The following THSD4 variants were observed in gnomAD, a reference collection of about 807,000 sequenced individuals.
THSD4 encodes thrombospondin type-1 domain-containing protein 4.
THSD4 carries 69 observed loss-of-function variants against 119.0 expected under a neutral mutation model. The observed-to-expected ratio is 0.58, with a 90% CI of 0.48 to 0.71. THSD4 has a LOEUF of 0.71. Ranked by LOEUF, THSD4 falls within the 30% of genes least tolerant of loss-of-function variation. THSD4 has a pLI of 0.00. For missense variants in THSD4, 1,393 were observed against 1,391.1 expected (o/e 1.00, Z -0.02); for synonymous variants, 524 against 540.4 (o/e 0.97, Z 0.42).
chr15:71,339,528 A>G (rs151196925), intron 6 of THSD4, among the ~76,000 whole-genome samples: 1 of 152,104 alleles, frequency 6.6e-6, no homozygotes, highest in African/African-American at 2.4e-5. Context: ...GCCGTACATT[A>G]TCTATTATCG....
At chr15:71,397,398 C>T (rs954210273) in intron 6 of THSD4, among the ~76,000 whole-genome samples, 2 of 152,192 alleles carry the variant, frequency 1.3e-5, no homozygotes, top group African/African-American at 4.8e-5. Flanking sequence ...ACTTACTATA[C>T]TGTCTGGAAT....
chr15:71,182,426 G>A (rs144905274), intron 3 of THSD4, among the ~76,000 whole-genome samples: 5 of 151,808 alleles, frequency 3.3e-5, no homozygotes, highest in African/African-American at 9.6e-5. Flanking sequence ...ATTTTTGTGC[G>A]CTTCAACCAT....
chr15:71,197,107 G>A (rs919243334), intron 3 of THSD4, among the ~76,000 whole-genome samples: 2 of 152,176 alleles, frequency 1.3e-5, no homozygotes, highest in Non-Finnish European at 1.5e-5. Context: ...GGGTCGCAAC[G>A]TGCCCTTCAG....
intron 7 of THSD4, among the ~76,000 whole-genome samples, chr15:71,594,733 A>G (rs2049875304): frequency 6.6e-6 from 1 of 152,186 alleles, no homozygotes; most frequent in South Asian, 2.1e-4. Context: ...TTCCTACCCC[A>G]TATCAGTATT....
chr15:71,364,767 G>T (rs983875520), intron 6 of THSD4, among the ~76,000 whole-genome samples: 1 of 152,114 alleles, frequency 6.6e-6, no homozygotes, highest in African/African-American at 2.4e-5. Context: ...TTTGCATAGC[G>T]CTGAGCTTTA....
chr15:71,540,999 C>A (rs1461759196), intron 7 of THSD4, among the ~76,000 whole-genome samples: 3 of 152,148 alleles, frequency 2.0e-5, no homozygotes, highest in African/African-American at 7.2e-5. Context: ...CTGCGATTAC[C>A]AGCGTGAGCC....
At chr15:71,241,677 T>G (rs2044154351) in intron 4 of THSD4, among the ~76,000 whole-genome samples, 1 of 152,152 alleles carries the variant, frequency 6.6e-6, no homozygotes, top group East Asian at 1.9e-4. Context: ...ATGGAAGTAT[T>G]TACACCATAG....
At chr15:71,776,506 C>T (rs954088764) in intron 17 of THSD4, among the ~76,000 whole-genome samples, 1 of 152,180 alleles carries the variant, frequency 6.6e-6, no homozygotes, top group African/African-American at 2.4e-5. Flanking sequence ...TTCACTAGCT[C>T]AGCAAAAACT....
intron 7 of THSD4, among the ~76,000 whole-genome samples, chr15:71,567,778 T>A (rs200299277): frequency 1.6e-4 from 14 of 89,948 alleles, no homozygotes; most frequent in East Asian, 3.4e-4. Flanking sequence ...AGAGAGAGAG[T>A]GTGTGTGTGT....
chr15:71,574,196 A>C (rs2049407491), intron 7 of THSD4, among the ~76,000 whole-genome samples: 1 of 152,202 alleles, frequency 6.6e-6, no homozygotes, highest in South Asian at 2.1e-4. Flanking sequence ...TGCCTTAGAG[A>C]GTAATGCATC....
intron 7 of THSD4, among the ~76,000 whole-genome samples, chr15:71,456,025 A>G (rs535900891): frequency 6.6e-6 from 1 of 152,290 alleles, no homozygotes; most frequent in South Asian, 2.1e-4. Flanking sequence ...CACCTTTTGT[A>G]AGCAAAGTCA....
At chr15:71,121,104 C>T (rs189705840) in intron 1 of THSD4, among the ~76,000 whole-genome samples, 1 of 151,848 alleles carries the variant, frequency 6.6e-6, no homozygotes, top group Non-Finnish European at 1.5e-5. Context: ...ACATACTTTT[C>T]CCCCTGAAAT....
intron 7 of THSD4, among the ~76,000 whole-genome samples, chr15:71,494,710 C>T (rs1157020869): frequency 6.6e-6 from 1 of 152,124 alleles, no homozygotes; most frequent in Non-Finnish European, 1.5e-5. Context: ...AGGACAGAAG[C>T]CTCCATACAT....
At chr15:71,680,992 C>T (rs960115142) in intron 8 of THSD4, among the ~76,000 whole-genome samples, 2 of 149,088 alleles carry the variant, frequency 1.3e-5, no homozygotes, top group Non-Finnish European at 3.0e-5. Flanking sequence ...GATCTCAGCT[C>T]ACTGCAACCT....
At chr15:71,392,873 C>G (rs2046395176) in intron 6 of THSD4, among the ~76,000 whole-genome samples, 1 of 152,160 alleles carries the variant, frequency 6.6e-6, no homozygotes, top group South Asian at 2.1e-4. Context: ...CTGTTTCAGC[C>G]TGAGGTTTCA....
At chr15:71,719,608 G>A (rs1256658977) in intron 8 of THSD4, among the ~76,000 whole-genome samples, 2 of 152,208 alleles carry the variant, frequency 1.3e-5, no homozygotes, top group African/African-American at 2.4e-5. Flanking sequence ...TCTCAGAACA[G>A]TGTTTTAAAC....
intron 7 of THSD4, among the ~76,000 whole-genome samples, chr15:71,556,734 C>CAAA (rs2049024127): frequency 6.6e-6 from 1 of 150,732 alleles, no homozygotes; most frequent in African/African-American, 2.4e-5. Context: ...CGCTTCACTC[C>CAAA]AGCCTGGGTG....
chr15:71,729,024 A>G, intron 9 of THSD4: 3 of 399,254 alleles, frequency 7.5e-6, no homozygotes, highest in Non-Finnish European at 1.4e-5. Flanking sequence ...CCTTTATTTC[A>G]TGAGCATTGG....
intron 2 of THSD4, among the ~76,000 whole-genome samples, chr15:71,143,719 TC>T (rs1379800275): frequency 1.3e-5 from 2 of 148,534 alleles, no homozygotes; most frequent in Admixed American, 6.7e-5. Flanking sequence ...TTTTTTTTTT[TC>T]AAAAGAGACA....
Sources: gnomAD v4.1 joint callset for allele counts (sites outside exome capture counted in the v4.1 genomes callset) on GRCh38, gnomAD v4.1.1 for gene constraint, MANE v1.5 for transcripts, NCBI Gene and HGNC (gene_info 2026-07-23, HGNC 2026-07-21) for gene names.